The following MTSS1 variants were observed in gnomAD, a reference collection of about 807,000 sequenced individuals.
MTSS1 encodes the protein MTSS I-BAR domain containing 1.
In MTSS1, 18 loss-of-function variants were observed where a neutral mutation model predicts 79.0. The ratio of observed to expected loss-of-function variants is 0.23; its 90% CI spans 0.16 to 0.34. MTSS1 has a LOEUF of 0.34. Ranked by LOEUF, MTSS1 falls within the 10% of genes least tolerant of loss-of-function variation. The probability of loss-of-function intolerance (pLI) is 1.00; values close to 1 mark genes in which losing one functional copy is unlikely to be tolerated. For missense variants in MTSS1, 815 were observed against 986.2 expected (o/e 0.83, Z 2.33); for synonymous variants, 341 against 368.6 (o/e 0.93, Z 0.86).
At chr8:124,662,587 CAG>C (rs1822261349) in intron 3 of MTSS1, among the ~76,000 whole-genome samples, 1 of 152,028 alleles carries the variant, frequency 6.6e-6, no homozygotes, top group Non-Finnish European at 1.5e-5. Context: ...CCTCTGAAGA[CAG>C]GGTCTAGACA....
intron 6 of MTSS1, among the ~76,000 whole-genome samples, chr8:124,576,908 TACTC>T (rs10570808): frequency 0.5 from 75,138 of 151,628 alleles, 19,014 homozygotes; most frequent in Non-Finnish European, 0.56. Context: ...CTAAGAAAAA[TACTC>T]AGCTCCCGGC....
At chr8:124,653,736 A>AACAAAACAAAACAAAC (rs1554698589) in intron 3 of MTSS1, among the ~76,000 whole-genome samples, 4 of 152,024 alleles carry the variant, frequency 2.6e-5, no homozygotes, top group African/African-American at 9.7e-5. Context: ...AACAAAACAA[A>AACAAAACAAAACAAAC]ACAAAACAAA....
chr8:124,681,825 T>C (rs1826175666), intron 3 of MTSS1, among the ~76,000 whole-genome samples: 1 of 152,168 alleles, frequency 6.6e-6, no homozygotes, highest in Non-Finnish European at 1.5e-5. Context: ...CTGCTTTCTA[T>C]AAAGATTACT....
chr8:124,642,828 G>A (rs1354592581), intron 3 of MTSS1, among the ~76,000 whole-genome samples: 2 of 152,128 alleles, frequency 1.3e-5, no homozygotes, highest in African/African-American at 2.4e-5. Context: ...CCTGACCTCA[G>A]GTGACGTGCC....
At chr8:124,653,958 T>A (rs553181356) in intron 3 of MTSS1, among the ~76,000 whole-genome samples, 25 of 152,170 alleles carry the variant, frequency 1.6e-4, no homozygotes, top group Non-Finnish European at 3.7e-4. Flanking sequence ...CGGTTAGACA[T>A]CCTGGTTGCA....
At chr8:124,591,686 AC>A (rs1831910964) in intron 3 of MTSS1, among the ~76,000 whole-genome samples, 1 of 152,282 alleles carries the variant, frequency 6.6e-6, no homozygotes, top group South Asian at 2.1e-4. Context: ...ATTATTTAGA[AC>A]AGCCAAGGCA....
At chr8:124,680,589 GCA>G (rs1191242624) in intron 3 of MTSS1, among the ~76,000 whole-genome samples, 1 of 152,184 alleles carries the variant, frequency 6.6e-6, no homozygotes, top group Non-Finnish European at 1.5e-5. Context: ...CATTTCTACA[GCA>G]CTAATAGCAT....
intron 3 of MTSS1, among the ~76,000 whole-genome samples, chr8:124,630,398 G>A (rs892478895): frequency 6.6e-6 from 1 of 152,222 alleles, no homozygotes; most frequent in Non-Finnish European, 1.5e-5. Flanking sequence ...ACAGAGGGGA[G>A]GACCTGAAAG....
intron 3 of MTSS1, among the ~76,000 whole-genome samples, chr8:124,605,590 G>GCTGCCTCCCTCCCTGCCCTCGCA (rs1563842878): frequency 5.1e-5 from 7 of 138,332 alleles, no homozygotes; most frequent in African/African-American, 2.3e-4. Flanking sequence ...CTGCCCTCTC[G>GCTGCCTCCCTCCCTGCCCTCGCA]CTGCCTCCCT....
intron 3 of MTSS1, among the ~76,000 whole-genome samples, chr8:124,667,796 G>A (rs1823382966): frequency 6.6e-6 from 1 of 152,106 alleles, no homozygotes; most frequent in East Asian, 1.9e-4. Flanking sequence ...GTCTCCAAGC[G>A]GCCAGGCACA....
At chr8:124,565,921 C>A in intron 8 of MTSS1, 162 bp from the exon 9 acceptor site, 24 of 522,150 alleles carry the variant, frequency 4.6e-5, no homozygotes, top group South Asian at 8.0e-5. Flanking sequence ...AGCCACAGTA[C>A]CAAATCCATC....
chr8:124,602,865 A>T (rs1053504366), intron 3 of MTSS1, among the ~76,000 whole-genome samples: 1 of 152,156 alleles, frequency 6.6e-6, no homozygotes, highest in Non-Finnish European at 1.5e-5. Context: ...ACCTTGGTCT[A>T]ATTATTGTGC....
intron 3 of MTSS1, among the ~76,000 whole-genome samples, chr8:124,639,911 T>A (rs1053184722): frequency 2.8e-5 from 4 of 141,460 alleles, no homozygotes; most frequent in Non-Finnish European, 6.3e-5. Context: ...CAGAACAATA[T>A]AAACAGTTTA....
chr8:124,636,561 A>G (rs1264323175), intron 3 of MTSS1, among the ~76,000 whole-genome samples: 1 of 152,210 alleles, frequency 6.6e-6, no homozygotes, highest in Non-Finnish European at 1.5e-5. Flanking sequence ...ACATAACATG[A>G]TCATTCTGAC....
chr8:124,662,934 C>T (rs1281668642), intron 3 of MTSS1, among the ~76,000 whole-genome samples: 3 of 152,150 alleles, frequency 2.0e-5, no homozygotes, highest in South Asian at 4.2e-4. Flanking sequence ...TCCAAGGGAC[C>T]GAGACGTGAC....
At chr8:124,707,829 T>C (rs1216903709) in intron 1 of MTSS1, among the ~76,000 whole-genome samples, 1 of 152,184 alleles carries the variant, frequency 6.6e-6, no homozygotes, top group Non-Finnish European at 1.5e-5. Flanking sequence ...TGAGCTGTGA[T>C]TGTGCCACCG....
At chr8:124,721,115 T>C (rs1832847520) in intron 1 of MTSS1, among the ~76,000 whole-genome samples, 1 of 152,184 alleles carries the variant, frequency 6.6e-6, no homozygotes, top group Non-Finnish European at 1.5e-5. Context: ...ATTCTCTAGA[T>C]GATATGTTAC....
chr8:124,589,083 T>C (rs753862257), intron 5 of MTSS1, among the ~76,000 whole-genome samples: 17 of 151,710 alleles, frequency 1.1e-4, no homozygotes, highest in African/African-American at 3.6e-4. Context: ...CAGGCTGGAG[T>C]ACAATGGTGC....
intron 3 of MTSS1, among the ~76,000 whole-genome samples, chr8:124,680,831 T>C (rs1203613341): frequency 6.6e-6 from 1 of 152,168 alleles, no homozygotes; most frequent in Admixed American, 6.5e-5. Flanking sequence ...AGCTGTCACA[T>C]CTACCCAGCT....
Sources: gnomAD v4.1 joint callset for allele counts (sites outside exome capture counted in the v4.1 genomes callset) on GRCh38, gnomAD v4.1.1 for gene constraint, MANE v1.5 for transcripts, NCBI Gene and HGNC (gene_info 2026-07-23, HGNC 2026-07-21) for gene names.